The following TRHDE variants were observed in gnomAD, a reference collection of about 807,000 sequenced individuals.
The protein encoded by TRHDE is thyrotropin-releasing hormone-degrading ectoenzyme.
TRHDE carries 72 observed loss-of-function variants against 125.7 expected under a neutral mutation model. The ratio of observed to expected loss-of-function variants is 0.57; its 90% confidence interval spans 0.47 to 0.70. The LOEUF is 0.70. Among genes scored for constraint, TRHDE ranks in the 30% least tolerant of loss-of-function variants. The probability of loss-of-function intolerance (pLI) is 0.00; values close to 1 mark genes in which losing one functional copy is unlikely to be tolerated. For synonymous variants in TRHDE, 509 were observed against 509.1 expected (o/e 1.00, Z 0.00); for missense variants, 1,110 against 1,327.1 (o/e 0.84, Z 2.54).
chr12:72,529,394 A>G (rs1868424548), intron 6 of TRHDE, among the ~76,000 whole-genome samples: 1 of 152,180 alleles, frequency 6.6e-6, no homozygotes, highest in African/African-American at 2.4e-5. Flanking sequence ...AGAATAAAAC[A>G]TTGAAGTCCT....
intron 2 of TRHDE, chr12:72,253,545 T>C (rs1878736779): frequency 6.6e-6 from 1 of 152,138 alleles, no homozygotes; most frequent in South Asian, 2.1e-4. Flanking sequence ...ACAGCAATTT[T>C]AGTCTCACAG....
chr12:72,352,950 C>T (rs1870648880), intron 2 of TRHDE, among the ~76,000 whole-genome samples: 1 of 143,894 alleles, frequency 6.9e-6, no homozygotes, highest in Admixed American at 6.9e-5. Flanking sequence ...CTCTTCTGTA[C>T]TTTTTTTTTT....
At chr12:72,330,256 A>G (rs1051610929) in intron 2 of TRHDE, among the ~76,000 whole-genome samples, 2 of 151,956 alleles carry the variant, frequency 1.3e-5, no homozygotes, top group African/African-American at 4.8e-5. Flanking sequence ...TCTGCTGTTA[A>G]GGAAACAAAA....
At chr12:72,172,453 A>C (rs1272036050) in intron 2 of TRHDE, among the ~76,000 whole-genome samples, 1 of 152,228 alleles carries the variant, frequency 6.6e-6, no homozygotes, top group Non-Finnish European at 1.5e-5. Context: ...CTGCGTGTAT[A>C]GTGCCTGTAC....
chr12:72,269,582 G>A (rs189097780), upstream of TRHDE, among the ~76,000 whole-genome samples: 186 of 152,258 alleles, frequency 1.2e-3, 1 homozygote, highest in African/African-American at 4.3e-3. Context: ...AGAGGAAAGA[G>A]ATAACAGACT....
chr12:72,437,302 T>A (rs1253145840), intron 3 of TRHDE, among the ~76,000 whole-genome samples: 1 of 151,896 alleles, frequency 6.6e-6, no homozygotes, highest in Non-Finnish European at 1.5e-5. Flanking sequence ...TTGTAACCTT[T>A]CCTTTTCCCT....
chr12:72,664,889 CAAGT>C lies in TRHDE; in HGVS notation c.*1697_*1700del, dbSNP rs1196818572. On this transcript the variant is annotated 3_prime_UTR_variant, in exon 19 of 19. Coordinates refer to ENST00000261180, the MANE Select transcript of TRHDE (RefSeq NM_013381.3). ...CTAAAACTGAATTTTATCATATAAG[CAAGT>C]AATACCTATTAGTCATACCTAAATT... 1 of 151,934 alleles carries C rather than the reference CAAGT, an allele frequency of 6.6e-6. No individual in the cohort carries two copies. Among genetic ancestry groups the C allele is most frequent in the Non-Finnish European group, 1.5e-5 (1 of 67,936 alleles). The allele number at this position is 151,934 out of a possible 1,614,324, so 9.4% of individuals were successfully genotyped here.
chr12:72,604,329 A>G (rs1169010450), intron 12 of TRHDE, among the ~76,000 whole-genome samples: 1 of 151,978 alleles, frequency 6.6e-6, no homozygotes, highest in African/African-American at 2.4e-5. Flanking sequence ...TTTAAAGGGC[A>G]TTTTAGTCCT....
At chr12:72,549,967 A>C (rs1394414157) in intron 7 of TRHDE, among the ~76,000 whole-genome samples, 1 of 151,866 alleles carries the variant, frequency 6.6e-6, no homozygotes, top group Non-Finnish European at 1.5e-5. Context: ...TTTTAGAGAT[A>C]TATATCTCTA....
intron 2 of TRHDE, among the ~76,000 whole-genome samples, chr12:72,243,660 A>G (rs1357611444): frequency 1.3e-5 from 2 of 152,198 alleles, no homozygotes; most frequent in Non-Finnish European, 2.9e-5. Context: ...TTATATTTCT[A>G]TGTAACAGCA....
At chr12:72,656,649 A>C (rs1357064289) in intron 17 of TRHDE, among the ~76,000 whole-genome samples, 1 of 151,998 alleles carries the variant, frequency 6.6e-6, no homozygotes, top group Non-Finnish European at 1.5e-5. Flanking sequence ...TTAATCCCTA[A>C]ATCCAGTTTT....
At chr12:72,123,808 G>A (rs777981181) in intron 2 of TRHDE, among the ~76,000 whole-genome samples, 1 of 151,972 alleles carries the variant, frequency 6.6e-6, no homozygotes, top group Non-Finnish European at 1.5e-5. Context: ...TATCTCCAAA[G>A]GTTTTATCAT....
At chr12:72,205,665 C>T (rs919517890) in intron 2 of TRHDE, among the ~76,000 whole-genome samples, 4 of 152,186 alleles carry the variant, frequency 2.6e-5, no homozygotes, top group African/African-American at 9.7e-5. Context: ...AAGGTTCATT[C>T]ATGTTGTGGC....
chr12:72,169,435 G>A (rs145349040), intron 2 of TRHDE, among the ~76,000 whole-genome samples: 9 of 152,240 alleles, frequency 5.9e-5, no homozygotes, highest in African/African-American at 1.2e-4. Flanking sequence ...GAGGCTAGAC[G>A]TCTCAGATCA....
At chr12:72,527,317 A>G (rs1868352696) in intron 6 of TRHDE, among the ~76,000 whole-genome samples, 1 of 152,286 alleles carries the variant, frequency 6.6e-6, no homozygotes, top group South Asian at 2.1e-4. Context: ...AGTGCTATAA[A>G]ATTGTGAAAA....
intron 6 of TRHDE, among the ~76,000 whole-genome samples, chr12:72,518,401 G>A (rs1411344749): frequency 6.6e-6 from 1 of 151,084 alleles, no homozygotes; most frequent in Non-Finnish European, 1.5e-5. Context: ...ATTATGTAAT[G>A]GCGTTCTTTG....
Position 72,273,396 on chromosome 12 carries a change from C to G in TRHDE, c.753C>G (p.Ala251=), listed in dbSNP as rs769357510. 6.2e-7 allele frequency: 1 copy of G among 1,614,140 alleles called. No homozygotes were observed. The highest frequency in any genetic ancestry group is 1.7e-5 in the Admixed American group (1 of 60,014). Residue 251 remains alanine (A), a synonymous_variant, in exon 1 of 19, where the codon GCC becomes GCG. Coordinates refer to ENST00000261180, the MANE Select transcript of TRHDE (RefSeq NM_013381.3). The surrounding 1 kb of genome is among the most constrained non-coding windows in gnomAD (Gnocchi z 5.3). ...EDRAFGAVPV[A]GFFLYPQTQV... ...GGGCGTTCGGGGCTGTCCCTGTAGC[C>G]GGTTTTTTCCTCTACCCGCAAACCC...
chr12:72,462,036 C>T (rs1185546100), intron 3 of TRHDE, among the ~76,000 whole-genome samples: 4 of 152,136 alleles, frequency 2.6e-5, no homozygotes, highest in Admixed American at 6.5e-5. Context: ...AGAGGCTAAA[C>T]AATTTGGGTT....
intron 2 of TRHDE, among the ~76,000 whole-genome samples, chr12:72,228,461 G>C (rs1187761160): frequency 6.6e-6 from 1 of 152,208 alleles, no homozygotes; most frequent in African/African-American, 2.4e-5. Context: ...ACTTGGCCCA[G>C]GAAACCATTT....
Sources: allele counts gnomAD v4.1 joint callset (sites outside exome capture counted in the v4.1 genomes callset), GRCh38; gene constraint gnomAD v4.1.1; non-coding constraint Gnocchi (gnomAD v3.1); transcripts MANE v1.5; gene names NCBI Gene and HGNC (gene_info 2026-07-23, HGNC 2026-07-21).